Variants in IVD observed in about 807,000 individuals in gnomAD.
The protein encoded by IVD is isovaleryl-CoA dehydrogenase, mitochondrial.
In IVD, 31 loss-of-function variants were observed where a neutral mutation model predicts 51.3. The observed-to-expected ratio is 0.60, with a 90% CI of 0.45 to 0.81. IVD has a LOEUF of 0.81. IVD is among the 40% of genes least tolerant of loss of function. The pLI is 0.00. For synonymous variants in IVD, 205 were observed against 219.4 expected (o/e 0.93, Z 0.58); for missense variants, 475 against 552.0 (o/e 0.86, Z 1.40).
intron 11 of IVD, 79 bp downstream of exon 11, chr15:40,416,441 C>A (rs918300384): frequency 2.9e-6 from 4 of 1,357,792 alleles, no homozygotes; most frequent in Non-Finnish European, 3.1e-6. Context: ...AGTTTCAGGG[C>A]GGGCGTGGTG....
Position 40,411,371 on chromosome 15 carries a change from T to C in IVD, c.550+18T>C, listed in dbSNP as rs372448489. 1 of 1,613,712 alleles carries C rather than the reference T, an allele frequency of 6.2e-7. No homozygotes were observed. The highest frequency in any genetic ancestry group is 2.2e-5 in the East Asian group (1 of 44,886). ...AAAGAAAGGTGAGGCCACTCTCAAC[T>C]TGGGAGCCAAAATGGGCAGAGGTAC... is the stretch of plus-strand genomic sequence containing the variant. On this transcript the variant is annotated intron_variant, in intron 5 of 11. Coordinates refer to ENST00000487418, the MANE Select transcript of IVD (RefSeq NM_002225.5).
At chr15:40,424,832 A>G (rs1892572199), downstream of IVD, among the ~76,000 whole-genome samples, 1 of 152,228 alleles carries the variant, frequency 6.6e-6, no homozygotes, top group Non-Finnish European at 1.5e-5. Context: ...CTCTCCCAAT[A>G]GCACCCGGGG....
In IVD at chr15:40,418,572, C is replaced by T; in HGVS notation, c.*309C>T. The T allele has an allele frequency of 2.1e-6, 2 of 932,660 alleles. No homozygotes were observed. Among genetic ancestry groups the T allele is most frequent in the Non-Finnish European group, 2.7e-6 (2 of 728,894 alleles). The allele number at this position is 932,660 out of a possible 1,614,324, so 57.8% of individuals were successfully genotyped here. On this transcript the variant is annotated 3_prime_UTR_variant, in exon 12 of 12. Coordinates refer to ENST00000487418, the MANE Select transcript of IVD (RefSeq NM_002225.5). ...GCTCTCTAACTTCTGAGCCCACCTCCCAGGGTAGGCACCTGGGGGCATGCA... is the reference window on the plus strand; with the variant it reads ...GCTCTCTAACTTCTGAGCCCACCTCTCAGGGTAGGCACCTGGGGGCATGCA...
chr15:40,420,323 GGA>G lies in IVD; in HGVS notation c.*2062_*2063del. Reference sequence around the variant, plus strand: ...GGCACAGGCCCTACCCGAGCAGGCCGGAGTTGGCTCGCATGACTCCAGCTGAG... The same window carrying G: ...GGCACAGGCCCTACCCGAGCAGGCCGGTTGGCTCGCATGACTCCAGCTGAG... On this transcript the variant is annotated 3_prime_UTR_variant, in exon 12 of 12. Coordinates refer to ENST00000487418, the MANE Select transcript of IVD (RefSeq NM_002225.5). 4 of 987,684 alleles carry G rather than the reference GGA, an allele frequency of 4.0e-6. No individual in the cohort carries two copies. The highest frequency in any genetic ancestry group is 3.6e-6 in the Non-Finnish European group (3 of 830,146). The allele number at this position is 987,684 out of a possible 1,614,324, so 61.2% of individuals were successfully genotyped here. A position where few individuals can be genotyped will look rare whatever the true frequency, so the allele number is the denominator to read the frequency against.
Position 40,420,514 on chromosome 15 carries a change from A to G in IVD, c.*2251A>G, listed in dbSNP as rs2141388407. On this transcript the variant is annotated 3_prime_UTR_variant, in exon 12 of 12. Coordinates refer to ENST00000487418, the MANE Select transcript of IVD (RefSeq NM_002225.5). Reference sequence around the variant, plus strand: ...CTGGATCCAGCTTGTGTCCTTGGAGAGTGGCTGGCCCAGGTCCTATTCCTG... The same window carrying G: ...CTGGATCCAGCTTGTGTCCTTGGAGGGTGGCTGGCCCAGGTCCTATTCCTG... The G allele has an allele frequency of 1.0e-6, 1 of 987,556 alleles. No homozygotes were observed. Among genetic ancestry groups the G allele is most frequent in the East Asian group, 1.1e-4 (1 of 8,810 alleles). 61.2% of individuals were successfully genotyped at this position (987,556 alleles called of 1,614,324 possible).
chr15:40,430,350 G>T (rs1288347844), intron 7 of IVD, among the ~76,000 whole-genome samples: 2 of 152,230 alleles, frequency 1.3e-5, no homozygotes, highest in Non-Finnish European at 2.9e-5. Context: ...GGCTTGCCAG[G>T]CTTGCTAGGA....
chr15:40,417,764 A>G (rs1341560405), intron 11 of IVD, among the ~76,000 whole-genome samples: 1 of 152,220 alleles, frequency 6.6e-6, no homozygotes, highest in Admixed American at 6.5e-5. Context: ...CCAGATTGCA[A>G]GAGTAGTGAT....
At position 40,420,388 on chromosome 15, in the gene IVD, A is replaced by C. The variant is rs1048450160; in HGVS notation, c.*2125A>C. ...CATTTCTCCAGATACCCTATGGCTA[A>C]TTTTGTTATAACTGCACAGTGGCTG... On this transcript the variant is annotated 3_prime_UTR_variant, in exon 12 of 12. Transcript: ENST00000487418. 96 of 987,674 alleles carry C rather than the reference A, an allele frequency of 9.7e-5. 1 individual carries two copies. The South Asian group carries it at 2.3e-3, about 24-fold the overall frequency. The allele number at this position is 987,674 out of a possible 1,614,324, so 61.2% of individuals were successfully genotyped here.
intron 3 of IVD, among the ~76,000 whole-genome samples, chr15:40,409,967 G>A (rs1036453262): frequency 1.3e-5 from 2 of 151,812 alleles, no homozygotes; most frequent in East Asian, 3.9e-4. Context: ...CTCCCGAGTA[G>A]CTGGGACTAC....
chr15:40,414,577 T>C, intron 7 of IVD: 1 of 354,368 alleles, frequency 2.8e-6, no homozygotes, highest in Non-Finnish European at 5.5e-6. Flanking sequence ...CAGGGAGGGA[T>C]TGGGTGACTT....
intron 3 of IVD, among the ~76,000 whole-genome samples, chr15:40,409,985 C>T (rs1566934329): frequency 6.6e-6 from 1 of 152,042 alleles, no homozygotes; most frequent in Non-Finnish European, 1.5e-5. Context: ...TACAGGCGCC[C>T]GCCACCATGC....
Position 40,421,082 on chromosome 15 carries a change from C to T in IVD, c.*2819C>T. The T allele has an allele frequency of 3.0e-6, 3 of 985,446 alleles. No homozygotes were observed. The highest frequency in any genetic ancestry group is 3.6e-6 in the Non-Finnish European group (3 of 829,952). The allele number at this position is 985,446 out of a possible 1,614,324, so 61.0% of individuals were successfully genotyped here. ...CTGGGCTCATAGGCAGTCCCTTTCA[C>T]TTCCTTGTCTTGCTCCCTGCTATGT... On this transcript the variant is annotated 3_prime_UTR_variant, in exon 12 of 12. Coordinates refer to ENST00000487418, the MANE Select transcript of IVD (RefSeq NM_002225.5).
At chr15:40,406,090 G>A (rs1419356501) in intron 1 of IVD, 119 bp downstream of exon 1, 3 of 1,533,438 alleles carry the variant, frequency 2.0e-6, no homozygotes, top group Non-Finnish European at 2.6e-6. Flanking sequence ...TTTGCCCGTG[G>A]GCCGTTGGGA....
intron 7 of IVD, among the ~76,000 whole-genome samples, chr15:40,432,666 C>T (rs543370296): frequency 2.7e-4 from 41 of 152,240 alleles, no homozygotes; most frequent in Middle Eastern, 3.2e-3. Context: ...AACTACCTCA[C>T]CTTGAGGAAT....
chr15:40,424,208 C>T (rs1595816237), downstream of IVD: 23 of 1,287,638 alleles, frequency 1.8e-5, no homozygotes, highest in Non-Finnish European at 2.3e-5. Context: ...TCAGTGGCTC[C>T]CAGCACCTGT....
chr15:40,420,172 C>G lies in IVD; in HGVS notation c.*1909C>G. ...GCAGGGGGGGCAGAGCAGAGGACAG[C>G]GTGCTTTTGTGTACTGTTGGAAGAC... On this transcript the variant is annotated 3_prime_UTR_variant, in exon 12 of 12. Coordinates refer to ENST00000487418, the MANE Select transcript of IVD (RefSeq NM_002225.5). The G allele has an allele frequency of 2.0e-6, 2 of 985,762 alleles. No individual in the cohort carries two copies. The highest frequency in any genetic ancestry group is 2.4e-6 in the Non-Finnish European group (2 of 830,162). 61.1% of individuals were successfully genotyped at this position (985,762 alleles called of 1,614,324 possible). A position where few individuals can be genotyped will look rare whatever the true frequency, so the allele number is the denominator to read the frequency against.
At chr15:40,411,055 T>C (rs1302305796) in intron 4 of IVD, among the ~76,000 whole-genome samples, 1 of 152,210 alleles carries the variant, frequency 6.6e-6, no homozygotes, top group Non-Finnish European at 1.5e-5. Flanking sequence ...AGGACTAGCT[T>C]CCTTTGCAAA....
intron 7 of IVD, among the ~76,000 whole-genome samples, chr15:40,432,197 G>GC (rs1555407232): frequency 6.6e-6 from 1 of 152,056 alleles, no homozygotes; most frequent in Non-Finnish European, 1.5e-5. Flanking sequence ...GCCCACCTCG[G>GC]CCCCCCAAAG....
In IVD at chr15:40,407,603, T is replaced by A. The variant is rs756241216; in HGVS notation, c.145-33T>A. On this transcript the variant is annotated intron_variant, in intron 1 of 11. Coordinates refer to ENST00000487418, the MANE Select transcript of IVD (RefSeq NM_002225.5). The stretch of plus-strand genomic sequence containing the variant: ...GTGTCTGGGTAGTGGAGATGCTGTC[T>A]GCAGTGGCATCTGTTTACCTCTCTC... 8 of 1,468,540 alleles carry A rather than the reference T, an allele frequency of 5.4e-6. No individual in the cohort carries two copies. The South Asian group carries it at 8.0e-5, about 15-fold the overall frequency. The allele number at this position is 1,468,540 out of a possible 1,614,324, so 91.0% of individuals were successfully genotyped here. A position where few individuals can be genotyped will look rare whatever the true frequency, so the allele number is the denominator to read the frequency against.
Sources: gnomAD v4.1 joint callset for allele counts (sites outside exome capture counted in the v4.1 genomes callset) on GRCh38, gnomAD v4.1.1 for gene constraint, MANE v1.5 for transcripts, NCBI Gene and HGNC (gene_info 2026-07-23, HGNC 2026-07-21) for gene names.